LRP1B: variants seen among roughly 807,000 people sequenced by gnomAD.
LRP1B encodes the protein LDL receptor related protein 1B, also known as low-density lipoprotein receptor-related protein 1B.
In LRP1B, 217 loss-of-function variants were observed where a neutral mutation model predicts 556.6. The ratio of observed to expected loss-of-function variants is 0.39; its 90% CI spans 0.35 to 0.44. The LOEUF (loss-of-function observed/expected upper bound fraction) is 0.44. Among genes scored for constraint, LRP1B ranks in the 20% least tolerant of loss-of-function variants. The probability of loss-of-function intolerance (pLI) is 1.00; values close to 1 mark genes in which losing one functional copy is unlikely to be tolerated. For synonymous variants in LRP1B, 2,047 were observed against 1,865.8 expected, an observed-to-expected ratio of 1.10 and a Z score of -2.50; for missense variants, 5,053 against 5,620.8, an observed-to-expected ratio of 0.90 and a Z score of 3.23.
Position 140,807,240 on chromosome 2 carries a change from C to T in LRP1B, c.5359+6417G>A, listed in dbSNP as rs140111850. Among the ~76,000 whole-genome samples the T allele has an allele frequency of 4.9e-3, 748 of 152,264 alleles. 4 individuals are homozygous for T. The highest frequency in any genetic ancestry group is 8.5e-3 in the Non-Finnish European group (576 of 68,012). On this transcript the variant is annotated intron_variant, in intron 32 of 90. Coordinates refer to ENST00000389484, the MANE Select transcript of LRP1B (RefSeq NM_018557.3). ...CAATAGTAAAACATTACATAGCTGA[C>T]TGTATACTATTTTATAGCACAAATC...
chr2:140,736,556 T>G (rs1185741010), intron 35 of LRP1B, among the ~76,000 whole-genome samples: 1 of 151,374 alleles, frequency 6.6e-6, no homozygotes, highest in Non-Finnish European at 1.5e-5. Context: ...TAGAACAGAG[T>G]CCTCAGAAAT....
At chr2:140,256,834 TAA>T (rs1681718053) in intron 86 of LRP1B, among the ~76,000 whole-genome samples, 1 of 151,908 alleles carries the variant, frequency 6.6e-6, no homozygotes, top group African/African-American at 2.4e-5. Flanking sequence ...TTTGAGAGAT[TAA>T]GAGATAAAAT....
At chr2:141,895,085 GC>G (rs1180154516) in intron 1 of LRP1B, among the ~76,000 whole-genome samples, 1 of 145,278 alleles carries the variant, frequency 6.9e-6, no homozygotes, top group African/African-American at 2.5e-5. Context: ...AAACAAGAAA[GC>G]CTAACTTATA....
Position 141,676,070 on chromosome 2 carries a change from T to C in LRP1B, c.205+134209A>G, listed in dbSNP as rs531984579. Among the ~76,000 whole-genome samples, 6 of 152,272 alleles carry C rather than the reference T, an allele frequency of 3.9e-5. No individual in the cohort carries two copies. The East Asian group carries it at 9.6e-4, about 24-fold the overall frequency. On this transcript the variant is annotated intron_variant, in intron 2 of 90. Transcript: ENST00000389484. ...TACGTTAAAGATGATGTTTCCACCA[T>C]ATAAAACTTCCTTTTATTATAAAAT...
chr2:140,929,451 T>C (rs1694983905), intron 20 of LRP1B, among the ~76,000 whole-genome samples: 1 of 151,976 alleles, frequency 6.6e-6, no homozygotes, highest in South Asian at 2.1e-4. Context: ...AAATTTTGTG[T>C]AATGTGTGAG....
chr2:141,616,288 T>TA (rs11349855), intron 2 of LRP1B, among the ~76,000 whole-genome samples: 9,264 of 137,388 alleles, frequency 0.067, 482 homozygotes, highest in African/African-American at 0.14. Flanking sequence ...CTCAAGAAAA[T>TA]AAAAAAAAAA....
At chr2:140,535,334 A>G (rs1460663040) in intron 46 of LRP1B, among the ~76,000 whole-genome samples, 2 of 152,192 alleles carry the variant, frequency 1.3e-5, no homozygotes, top group African/African-American at 4.8e-5. Context: ...ATATTTTTAT[A>G]TCTTATAGAA....
intron 63 of LRP1B, among the ~76,000 whole-genome samples, chr2:140,447,174 G>A (rs1194210704): frequency 6.6e-6 from 1 of 152,062 alleles, no homozygotes; most frequent in Admixed American, 6.6e-5. Context: ...TGTTAGCAAT[G>A]ATGTGAAGAA....
intron 2 of LRP1B, among the ~76,000 whole-genome samples, chr2:141,694,770 A>G (rs981374463): frequency 6.6e-6 from 1 of 152,020 alleles, no homozygotes; most frequent in African/African-American, 2.4e-5. Flanking sequence ...GAGCTACCAA[A>G]TGGCAATGGA....
At chr2:141,166,324 C>G (rs540561179) in intron 7 of LRP1B, among the ~76,000 whole-genome samples, 1 of 149,862 alleles carries the variant, frequency 6.7e-6, no homozygotes, top group East Asian at 2.0e-4. Context: ...TAAATGTCCT[C>G]TTCTCAGTGA....
chr2:141,544,307 C>CG (rs1685394569), intron 2 of LRP1B, among the ~76,000 whole-genome samples: 36 of 13,926 alleles, frequency 2.6e-3, no homozygotes, highest in African/African-American at 0.015. Context: ...TCTTCTTCTT[C>CG]TTCTTCTTCT....
At chr2:140,266,444 A>G (rs1170292246) in intron 86 of LRP1B, among the ~76,000 whole-genome samples, 1 of 152,078 alleles carries the variant, frequency 6.6e-6, no homozygotes, top group Non-Finnish European at 1.5e-5. Flanking sequence ...TGCTTGAGAT[A>G]GTACCCAAAT....
intron 2 of LRP1B, among the ~76,000 whole-genome samples, chr2:141,619,956 T>A (rs2105334243): frequency 6.6e-6 from 1 of 152,258 alleles, no homozygotes; most frequent in African/African-American, 2.4e-5. Flanking sequence ...TATTTTAAAA[T>A]TTATTATTAT....
chr2:141,583,515 G>A (rs570256543), intron 2 of LRP1B, among the ~76,000 whole-genome samples: 17 of 152,096 alleles, frequency 1.1e-4, no homozygotes, highest in Non-Finnish European at 2.4e-4. Context: ...TCAGTTGAGA[G>A]TTTGAAAAAT....
At chr2:141,475,153 A>G (rs1682650076) in intron 3 of LRP1B, among the ~76,000 whole-genome samples, 1 of 152,168 alleles carries the variant, frequency 6.6e-6, no homozygotes, top group African/African-American at 2.4e-5. Context: ...CAGGTGGATC[A>G]CTTTATGTCA....
chr2:140,627,883 G>T (rs519731), intron 41 of LRP1B, among the ~76,000 whole-genome samples: 12,962 of 152,152 alleles, frequency 0.085, 818 homozygotes, highest in African/African-American at 0.17. Flanking sequence ...ATGGCAAAAG[G>T]ATAGAACGAA....
chr2:141,209,949 T>C (rs1274295102), intron 6 of LRP1B, among the ~76,000 whole-genome samples: 1 of 152,126 alleles, frequency 6.6e-6, no homozygotes, highest in Non-Finnish European at 1.5e-5. Flanking sequence ...TTGTATGAAG[T>C]TACACAGCTA....
chr2:141,228,399 G>A (rs557105554), intron 6 of LRP1B, among the ~76,000 whole-genome samples: 4 of 151,512 alleles, frequency 2.6e-5, no homozygotes, highest in Non-Finnish European at 5.9e-5. Flanking sequence ...ATCTCTGGGT[G>A]TGTGTGTGTA....
At chr2:140,444,295 GT>G (rs1394429292) in intron 65 of LRP1B, 34 bp downstream of exon 65, 1 of 1,611,570 alleles carries the variant, frequency 6.2e-7, no homozygotes, top group Non-Finnish European at 8.5e-7. Context: ...AGGAGTCAAA[GT>G]TAAGACAAGA....
Sources: gnomAD v4.1 joint callset for allele counts (sites outside exome capture counted in the v4.1 genomes callset) on GRCh38, gnomAD v4.1.1 for gene constraint, MANE v1.5 for transcripts, NCBI Gene and HGNC (gene_info 2026-07-23, HGNC 2026-07-21) for gene names.